The following CADPS variants were observed in gnomAD, a reference collection of about 807,000 sequenced individuals.
The protein encoded by CADPS is calcium-dependent secretion activator 1.
A neutral mutation model predicts 167.3 loss-of-function variants in CADPS; 57 were observed. That is an observed-to-expected ratio of 0.34 (90% CI 0.28 to 0.42). The LOEUF (loss-of-function observed/expected upper bound fraction) is 0.42, where lower values mean the gene tolerates loss of function less well. Among genes scored for constraint, CADPS ranks in the 20% least tolerant of loss-of-function variants. The pLI, the probability that CADPS is intolerant of heterozygous loss-of-function variation, is 1.00. For synonymous variants in CADPS, 676 were observed against 635.3 expected, an observed-to-expected ratio of 1.06 and a Z score of -0.96; for missense variants, 1,414 against 1,738.1, an observed-to-expected ratio of 0.81 and a Z score of 3.32.
chr3:62,622,351 A>G (rs2063330069), intron 6 of CADPS, among the ~76,000 whole-genome samples: 4 of 152,284 alleles, frequency 2.6e-5, no homozygotes, highest in Admixed American at 2.0e-4. Context: ...GAACAAGACC[A>G]ACATAGCATT....
intron 3 of CADPS, among the ~76,000 whole-genome samples, chr3:62,691,550 C>A (rs549061071): frequency 6.6e-6 from 1 of 152,128 alleles, no homozygotes; most frequent in African/African-American, 2.4e-5. Flanking sequence ...TGCTTCCTTT[C>A]CTGGAGGTTC....
At chr3:62,685,209 C>G (rs928989262) in intron 3 of CADPS, among the ~76,000 whole-genome samples, 4 of 151,976 alleles carry the variant, frequency 2.6e-5, no homozygotes, top group Non-Finnish European at 5.9e-5. Flanking sequence ...GGTGATTTCA[C>G]TCAAAAACTT....
At chr3:62,545,723 T>A (rs1561940757) in intron 11 of CADPS, among the ~76,000 whole-genome samples, 2 of 152,150 alleles carry the variant, frequency 1.3e-5, no homozygotes, top group African/African-American at 4.8e-5. Context: ...TAAAAACTGT[T>A]AAACTGAATT....
chr3:62,762,656 C>CAAAAAA (rs35231096), intron 2 of CADPS, among the ~76,000 whole-genome samples: 2 of 53,146 alleles, frequency 3.8e-5, no homozygotes, highest in East Asian at 6.4e-4. Flanking sequence ...AACCCGGACT[C>CAAAAAA]AAAAAAAAAA....
intron 1 of CADPS, among the ~76,000 whole-genome samples, chr3:62,839,590 T>C (rs1229245019): frequency 6.6e-6 from 1 of 152,142 alleles, no homozygotes; most frequent in African/African-American, 2.4e-5. Flanking sequence ...CTGAATGCCT[T>C]GGTGAGGAGC....
intron 6 of CADPS, among the ~76,000 whole-genome samples, chr3:62,604,126 G>A (rs527973193): frequency 7.2e-4 from 110 of 152,046 alleles, no homozygotes; most frequent in African/African-American, 2.4e-3. Flanking sequence ...CACCTCACCC[G>A]GCCTGCTATA....
At chr3:62,498,957 G>A (rs187255945) in intron 18 of CADPS, among the ~76,000 whole-genome samples, 21 of 152,262 alleles carry the variant, frequency 1.4e-4, no homozygotes, top group East Asian at 7.7e-4. Flanking sequence ...AACTTAGGCC[G>A]AAACATACAA....
At chr3:62,426,385 G>A (rs562979600) in intron 28 of CADPS, among the ~76,000 whole-genome samples, 15 of 152,194 alleles carry the variant, frequency 9.9e-5, no homozygotes, top group South Asian at 6.2e-4. Context: ...TCCTGATCTC[G>A]TGATCCACCC....
rs142318862 is a variant in CADPS at position 62,833,007 on chromosome 3, A to T, written c.441+41582T>A. On this transcript the variant is annotated intron_variant, in intron 1 of 29. Transcript: ENST00000383710. ...CCTCTAGGTATGGAATGTTTTAAAC[A>T]CAGTTGTATGTCTGAAATTAGGAAA... is the stretch of plus-strand genomic sequence containing the variant. 1.7e-3 allele frequency among the ~76,000 whole-genome samples: 253 copies of T among 152,288 alleles called. 4 individuals carry two copies. Among genetic ancestry groups the T allele is most frequent in the African/African-American group, 5.7e-3 (239 of 41,574 alleles).
chr3:62,766,744 C>T (rs980080942), intron 1 of CADPS, among the ~76,000 whole-genome samples: 3 of 152,150 alleles, frequency 2.0e-5, no homozygotes, highest in African/African-American at 7.2e-5. Flanking sequence ...ATTCTTCCTC[C>T]TCACCCCTTA....
At chr3:62,528,164 C>T (rs191345359) in intron 13 of CADPS, among the ~76,000 whole-genome samples, 212 of 152,322 alleles carry the variant, frequency 1.4e-3, no homozygotes, top group Middle Eastern at 3.4e-3. Flanking sequence ...GCCAGGTTTG[C>T]CATCTCACAC....
chr3:62,797,657 C>G (rs1308482678), intron 1 of CADPS, among the ~76,000 whole-genome samples: 1 of 151,708 alleles, frequency 6.6e-6, no homozygotes, highest in African/African-American at 2.4e-5. Context: ...CACAATGGGG[C>G]CTGTTGGAGG....
chr3:62,505,486 G>C (rs1158438831), intron 17 of CADPS, among the ~76,000 whole-genome samples: 1 of 152,038 alleles, frequency 6.6e-6, no homozygotes, highest in Non-Finnish European at 1.5e-5. Context: ...CGAGGGGGTG[G>C]GCATATGACT....
chr3:62,801,336 G>C (rs1458128188), intron 1 of CADPS, among the ~76,000 whole-genome samples: 5 of 151,898 alleles, frequency 3.3e-5, no homozygotes, highest in Non-Finnish European at 7.4e-5. Context: ...TACTCTGAAA[G>C]ATTAAAAAAA....
chr3:62,780,028 C>G (rs531536653), intron 1 of CADPS, among the ~76,000 whole-genome samples: 1 of 152,244 alleles, frequency 6.6e-6, no homozygotes, highest in East Asian at 1.9e-4. Context: ...GCTACCACAG[C>G]CCCTTGTACA....
chr3:62,665,945 G>C (rs192305495), intron 3 of CADPS, among the ~76,000 whole-genome samples: 10 of 152,300 alleles, frequency 6.6e-5, no homozygotes, highest in Admixed American at 1.3e-4. Context: ...GGTGGCTGCT[G>C]CTCCTTGTGT....
chr3:62,587,471 GC>G (rs1578284458), intron 7 of CADPS, among the ~76,000 whole-genome samples: 1 of 152,172 alleles, frequency 6.6e-6, no homozygotes, highest in East Asian at 1.9e-4. Flanking sequence ...TCCATCCTGA[GC>G]TGGTCTGGCC....
At chr3:62,866,007 TA>T (rs911755328) in intron 1 of CADPS, among the ~76,000 whole-genome samples, 4 of 152,072 alleles carry the variant, frequency 2.6e-5, no homozygotes, top group African/African-American at 9.7e-5. Flanking sequence ...TGAAATGCAC[TA>T]AAAAATGCAC....
At chr3:62,475,585 A>G (rs1401727246) in intron 23 of CADPS, among the ~76,000 whole-genome samples, 1 of 15,398 alleles carries the variant, frequency 6.5e-5, no homozygotes, top group Non-Finnish European at 2.1e-4. Context: ...AGTTCTTAAG[A>G]AAAAAAAAAA....
Sources: allele counts gnomAD v4.1 joint callset (sites outside exome capture counted in the v4.1 genomes callset), GRCh38; gene constraint gnomAD v4.1.1; transcripts MANE v1.5; gene names NCBI Gene and HGNC (gene_info 2026-07-23, HGNC 2026-07-21).